The following TRAPPC12 variants were observed in gnomAD, a reference collection of about 807,000 sequenced individuals.
The protein encoded by TRAPPC12 is trafficking protein particle complex subunit 12.
In TRAPPC12, 61 loss-of-function variants were observed where a neutral mutation model predicts 69.2. The ratio of observed to expected loss-of-function variants is 0.88; its 90% CI spans 0.72 to 1.09. The LOEUF (loss-of-function observed/expected upper bound fraction) is 1.09, where lower values mean the gene tolerates loss of function less well. Among genes scored for constraint, TRAPPC12 ranks in the 50% least tolerant of loss-of-function variants. The pLI is 0.00. For missense variants in TRAPPC12, 1,101 were observed against 1,016.4 expected (o/e 1.08, Z -1.13); for synonymous variants, 469 against 438.9 (o/e 1.07, Z -0.86).
rs909057588 is a variant in TRAPPC12, at chr2:3,428,850, C to T, written c.1417+4187C>T. On this transcript the variant is annotated intron_variant, in intron 5 of 11. Coordinates refer to ENST00000324266, the MANE Select transcript of TRAPPC12 (RefSeq NM_016030.6). ...CGGTTCTGGGTGGGGCCCCCAAAGC[C>T]ACAAGAAGCCCAGGTAGCACTGACT... Among the ~76,000 whole-genome samples, 2 of 152,202 alleles carry T rather than the reference C, an allele frequency of 1.3e-5. 1 individual carries two copies. Among genetic ancestry groups the T allele is most frequent in the South Asian group, 4.1e-4 (2 of 4,826 alleles).
chr2:3,405,319 C>T (rs778119862), intron 3 of TRAPPC12, among the ~76,000 whole-genome samples: 5 of 152,160 alleles, frequency 3.3e-5, no homozygotes, highest in Non-Finnish European at 5.9e-5. Context: ...GTCCTTGCTC[C>T]TGTTACCAGT....
chr2:3,407,674 T>C (rs1031763568), intron 3 of TRAPPC12, among the ~76,000 whole-genome samples: 2 of 151,366 alleles, frequency 1.3e-5, no homozygotes, highest in African/African-American at 4.9e-5. Context: ...TGGTGGCGGG[T>C]GCCTGTAGTC....
intron 6 of TRAPPC12, chr2:3,456,521 C>A (rs1455619733): frequency 1.3e-5 from 2 of 152,336 alleles, no homozygotes; most frequent in African/African-American, 4.8e-5. Context: ...AGCACGGTGC[C>A]CTGTAGGAAT....
Position 3,411,862 on chromosome 2 carries a change from G to T in TRAPPC12, c.1164+9969G>T, listed in dbSNP as rs1214950635. ...ATTGTCGTTCAGAAGGTCATTCCAG[G>T]TTATGTTTTCCACAGCACCTGAGTG... is the stretch of plus-strand genomic sequence containing the variant. On this transcript the variant is annotated intron_variant, in intron 3 of 11. Transcript: ENST00000324266. 6.6e-5 allele frequency among the ~76,000 whole-genome samples: 10 copies of T among 152,294 alleles called. No individual in the cohort carries two copies. The South Asian group carries it at 1.4e-3, about 22-fold the overall frequency.
intron 9 of TRAPPC12, among the ~76,000 whole-genome samples, chr2:3,469,899 G>A (rs7586472): frequency 0.49 from 75,005 of 152,070 alleles, 20,103 homozygotes; most frequent in African/African-American, 0.72. Flanking sequence ...AAAGCTAAAC[G>A]CGCGTGGAAT....
chr2:3,465,897 T>G (rs1665785363), intron 9 of TRAPPC12: 3 of 584,488 alleles, frequency 5.1e-6, no homozygotes, highest in Admixed American at 3.0e-5. Flanking sequence ...CTTTTGTGCC[T>G]GTTGCTAAAT....
chr2:3,472,840 G>A (rs776248756), intron 9 of TRAPPC12, among the ~76,000 whole-genome samples: 1 of 152,158 alleles, frequency 6.6e-6, no homozygotes, highest in Non-Finnish European at 1.5e-5. Flanking sequence ...AGGACAGGTG[G>A]GAACTGACAA....
chr2:3,388,850 A>G, intron 2 of TRAPPC12, 180 bp downstream of exon 2: 1 of 601,824 alleles, frequency 1.7e-6, no homozygotes, highest in East Asian at 3.1e-5. Context: ...GGTTTCCCCA[A>G]CAGAACATAT....
intron 6 of TRAPPC12, chr2:3,457,099 T>C (rs7579428): frequency 0.47 from 218,367 of 463,616 alleles, 57,325 homozygotes; most frequent in African/African-American, 0.87. Flanking sequence ...GCACATACAC[T>C]GTGGAATACT....
At chr2:3,440,505 G>A (rs1280753628) in intron 5 of TRAPPC12, among the ~76,000 whole-genome samples, 1 of 152,052 alleles carries the variant, frequency 6.6e-6, no homozygotes, top group African/African-American at 2.4e-5. Context: ...TATCTAGGAA[G>A]CCAGTTGACT....
Position 3,458,451 on chromosome 2 carries a change from C to T in TRAPPC12, c.1603+758C>T, listed in dbSNP as rs141369503. The T allele has an allele frequency of 1.8e-3, 1,735 of 986,150 alleles. 2 individuals carry two copies. The highest frequency in any genetic ancestry group is 2.0e-3 in the Non-Finnish European group (1,640 of 830,506). The allele number at this position is 986,150 out of a possible 1,614,324, so 61.1% of individuals were successfully genotyped here. On this transcript the variant is annotated intron_variant, in intron 7 of 11. Coordinates refer to ENST00000324266, the MANE Select transcript of TRAPPC12 (RefSeq NM_016030.6). ...GCCCAAGTCAAGATCGGGTGGTCTC[C>T]GTTTCCGCAGGTGTGCTGGGGTTTC...
At chr2:3,396,376 T>G (rs1240370085) in intron 2 of TRAPPC12, among the ~76,000 whole-genome samples, 1 of 152,200 alleles carries the variant, frequency 6.6e-6, no homozygotes, top group Non-Finnish European at 1.5e-5. Context: ...CTCTGGGTGC[T>G]TTTATGATTT....
intron 3 of TRAPPC12, among the ~76,000 whole-genome samples, chr2:3,418,401 G>A (rs1285970955): frequency 2.6e-5 from 4 of 152,150 alleles, no homozygotes; most frequent in Admixed American, 6.5e-5. Context: ...GGTATCAGAC[G>A]CAAGCCACTC....
At chr2:3,465,340 C>T (rs577421997) in intron 8 of TRAPPC12, among the ~76,000 whole-genome samples, 7 of 152,152 alleles carry the variant, frequency 4.6e-5, no homozygotes, top group African/African-American at 1.7e-4. Context: ...CCAACTAAAC[C>T]GCGACAGCCC....
rs138206710 is a variant in TRAPPC12 at position 3,384,726 on chromosome 2, T to A, written c.-4-2894T>A. On this transcript the variant is annotated intron_variant, in intron 1 of 11. Coordinates refer to ENST00000324266, the MANE Select transcript of TRAPPC12 (RefSeq NM_016030.6). ...AGTGAGATGATAGCTTCCCTTTTAG[T>A]ATGGCCTTGTCAAATTTTGGTCTCA... 1.0e-3 allele frequency among the ~76,000 whole-genome samples: 157 copies of A among 152,352 alleles called. 1 individual carries two copies. The highest frequency in any genetic ancestry group is 3.7e-3 in the African/African-American group (155 of 41,598).
At chr2:3,417,742 A>T (rs142862616) in intron 3 of TRAPPC12, among the ~76,000 whole-genome samples, 3 of 152,120 alleles carry the variant, frequency 2.0e-5, no homozygotes, top group Non-Finnish European at 2.9e-5. Context: ...TAAGTTTCTC[A>T]TTTTTAAAAA....
intron 6 of TRAPPC12, among the ~76,000 whole-genome samples, chr2:3,447,497 CTTTT>C (rs1344433048): frequency 6.6e-6 from 1 of 152,064 alleles, no homozygotes; most frequent in African/African-American, 2.4e-5. Flanking sequence ...AGGCACCAGA[CTTTT>C]TTTGACAATC....
At position 3,388,034 on chromosome 2, in the gene TRAPPC12, C is replaced by G; in HGVS notation, c.411C>G (p.Arg137=). 1 of 1,482,448 alleles carries G rather than the reference C, an allele frequency of 6.7e-7. No individual in the cohort carries two copies. The highest frequency in any genetic ancestry group is 1.3e-5 in the South Asian group (1 of 77,746). 91.8% of individuals were successfully genotyped at this position (1,482,448 alleles called of 1,614,324 possible). Residue 137 remains arginine (R), a synonymous_variant, in exon 2 of 12, where the codon CGC becomes CGG. Transcript: ENST00000324266. ...GGGCCCCGAGGCAGGACGCGGCCCG[C>G]GAGGTCCCAGGCAGCGAAGCCGCGC... ...SGGAPRQDAA[R]EVPGSEAARP...
At chr2:3,446,304 G>A (rs180893270) in intron 6 of TRAPPC12, among the ~76,000 whole-genome samples, 35 of 152,350 alleles carry the variant, frequency 2.3e-4, no homozygotes, top group African/African-American at 7.7e-4. Context: ...AAAACAAGCA[G>A]TTGGATTTAT....
Sources: allele counts gnomAD v4.1 joint callset (sites outside exome capture counted in the v4.1 genomes callset), GRCh38; gene constraint gnomAD v4.1.1; transcripts MANE v1.5; gene names NCBI Gene and HGNC (gene_info 2026-07-23, HGNC 2026-07-21).